SIPA1L1: variants seen among roughly 807,000 people sequenced by gnomAD.
SIPA1L1 encodes the protein signal induced proliferation associated 1 like 1, also known as signal-induced proliferation-associated 1-like protein 1.
Under a neutral mutation model 162.7 loss-of-function variants are expected in SIPA1L1, and 26 were observed. The observed-to-expected ratio is 0.16, with a 90% CI of 0.12 to 0.22. SIPA1L1 has a LOEUF of 0.22. SIPA1L1 is among the 10% of genes least tolerant of loss of function. The pLI is 1.00. For missense variants in SIPA1L1, 1,874 were observed against 2,241.0 expected (o/e 0.84, Z 3.31); for synonymous variants, 829 against 837.4 (o/e 0.99, Z 0.17).
At chr14:71,580,420 A>G (rs1467909449) in intron 4 of SIPA1L1, among the ~76,000 whole-genome samples, 2 of 152,222 alleles carry the variant, frequency 1.3e-5, no homozygotes, top group Non-Finnish European at 1.5e-5. Flanking sequence ...CTAGGTCACT[A>G]CAGTCTTGGG....
At chr14:71,478,393 C>CT (rs1401323571) in intron 2 of SIPA1L1, among the ~76,000 whole-genome samples, 2 of 151,752 alleles carry the variant, frequency 1.3e-5, no homozygotes, top group East Asian at 1.9e-4. Context: ...TACAGTTTAT[C>CT]TTTTTTTTAA....
At chr14:71,561,672 C>T (rs751475556) in intron 4 of SIPA1L1, among the ~76,000 whole-genome samples, 57 of 152,342 alleles carry the variant, frequency 3.7e-4, no homozygotes, top group African/African-American at 1.1e-3. Flanking sequence ...ACTGCAAACT[C>T]CTCCTCCTGG....
chr14:71,707,883 C>T (rs1241746287), intron 16 of SIPA1L1, among the ~76,000 whole-genome samples: 1 of 152,072 alleles, frequency 6.6e-6, no homozygotes, highest in Non-Finnish European at 1.5e-5. Flanking sequence ...CCCAACATTG[C>T]CAACATTCAT....
intron 5 of SIPA1L1, among the ~76,000 whole-genome samples, chr14:71,605,614 A>G (rs1389053217): frequency 6.6e-6 from 1 of 152,172 alleles, no homozygotes; most frequent in Non-Finnish European, 1.5e-5. Context: ...GTAGTAGTAT[A>G]GTCTCTGTAT....
At chr14:71,652,065 CA>C (rs1471566397) in intron 8 of SIPA1L1, among the ~76,000 whole-genome samples, 1 of 151,600 alleles carries the variant, frequency 6.6e-6, no homozygotes, top group Non-Finnish European at 1.5e-5. Flanking sequence ...GAGAAGGATT[CA>C]AAGAATCCTT....
intron 19 of SIPA1L1, 40 bp from the exon 20 acceptor site, chr14:71,730,015 C>A: frequency 6.3e-7 from 1 of 1,593,640 alleles, no homozygotes; most frequent in Non-Finnish European, 8.6e-7. Context: ...GGATCTGAAC[C>A]AGAAAATTGA....
In SIPA1L1 at chr14:71,588,976, G is replaced by A. The variant is rs1389851235; in HGVS notation, c.1104G>A (p.Val368=). ...CCACTGGAGCTTCCGCAGCTGCCGT[G>A]GCATCCTTGGTCTCTGGACCTCTGT... ...NTTTGASAAA[V]ASLVSGPLSH... The change falls in exon 5 of 24, where the codon GTG becomes GTA. Residue 368 remains valine (V), a synonymous_variant. Coordinates refer to ENST00000381232, the MANE Select transcript of SIPA1L1 (RefSeq NM_001386936.1). This position sits in a 1 kb window ranked among gnomAD's most constrained non-coding sequence, Gnocchi z 4.3. 2 of 1,613,966 alleles carry A rather than the reference G, an allele frequency of 1.2e-6. No individual in the cohort carries two copies. The highest frequency in any genetic ancestry group is 2.7e-5 in the African/African-American group (2 of 74,908).
intron 3 of SIPA1L1, among the ~76,000 whole-genome samples, chr14:71,523,654 A>G (rs566928367): frequency 1.4e-4 from 22 of 152,306 alleles, no homozygotes; most frequent in South Asian, 6.2e-4. Context: ...GTGTTTGTCA[A>G]ATGGTGGTTT....
intron 4 of SIPA1L1, among the ~76,000 whole-genome samples, chr14:71,568,806 C>A (rs562359407): frequency 6.6e-6 from 1 of 152,094 alleles, no homozygotes; most frequent in Non-Finnish European, 1.5e-5. Context: ...GGTCCATTTC[C>A]GTTTTGTAAA....
chr14:71,577,004 A>C (rs1392110157), intron 4 of SIPA1L1, among the ~76,000 whole-genome samples: 1 of 149,634 alleles, frequency 6.7e-6, no homozygotes, highest in African/African-American at 2.5e-5. Context: ...AATCGCTTGA[A>C]CCTGGGAGGC....
intron 2 of SIPA1L1, among the ~76,000 whole-genome samples, chr14:71,338,312 G>A (rs2035302702): frequency 6.6e-6 from 1 of 152,222 alleles, no homozygotes; most frequent in Admixed American, 6.5e-5. Context: ...AGTCCATCAA[G>A]TGGAAGGAGG....
intron 4 of SIPA1L1, 46 bp from the exon 5 acceptor site, chr14:71,587,525 T>G: frequency 2.5e-6 from 1 of 405,746 alleles, no homozygotes; most frequent in Non-Finnish European, 4.3e-6. Flanking sequence ...ATGTTTGTTT[T>G]TAGATGTATT....
chr14:71,651,716 ATAC>A (rs1375848941), intron 8 of SIPA1L1, among the ~76,000 whole-genome samples: 3 of 152,210 alleles, frequency 2.0e-5, no homozygotes, highest in African/African-American at 7.2e-5. Flanking sequence ...AAGCTCAGTG[ATAC>A]TATAAATGAA....
rs2158745 is a variant in SIPA1L1 at position 71,536,684 on chromosome 14, A to G, written c.-303+7314A>G. Reference sequence around the variant, plus strand: ...TCTTGGAAGATCTTTTGGTTATACAACAGTAGCTTGCTGGATTTCACTTCT... The same window carrying G: ...TCTTGGAAGATCTTTTGGTTATACAGCAGTAGCTTGCTGGATTTCACTTCT... On this transcript the variant is annotated intron_variant, in intron 4 of 23. Transcript: ENST00000381232. Among the ~76,000 whole-genome samples, 255 of 152,354 alleles carry G rather than the reference A, an allele frequency of 1.7e-3. 1 individual carries two copies. The highest frequency in any genetic ancestry group is 5.4e-3 in the African/African-American group (223 of 41,588).
intron 5 of SIPA1L1, among the ~76,000 whole-genome samples, chr14:71,599,458 TTC>T (rs1301599248): frequency 1.5e-5 from 2 of 129,248 alleles, no homozygotes; most frequent in Non-Finnish European, 3.4e-5. Flanking sequence ...GGCGATTTCA[TTC>T]TTTTTTTTTT....
intron 6 of SIPA1L1, among the ~76,000 whole-genome samples, chr14:71,619,502 G>A (rs2148503759): frequency 6.7e-6 from 1 of 150,320 alleles, no homozygotes; most frequent in Admixed American, 6.6e-5. Context: ...TGAAGTTTGG[G>A]CTAAAAAAAA....
At chr14:71,654,590 T>C (rs2042902188) in intron 8 of SIPA1L1, among the ~76,000 whole-genome samples, 1 of 152,194 alleles carries the variant, frequency 6.6e-6, no homozygotes, top group Non-Finnish European at 1.5e-5. Context: ...GTGTTATAAA[T>C]GCAGTTGAGG....
intron 2 of SIPA1L1, among the ~76,000 whole-genome samples, chr14:71,480,770 AAAAC>A (rs2048295921): frequency 6.6e-6 from 1 of 152,190 alleles, no homozygotes; most frequent in African/African-American, 2.4e-5. Context: ...TCCAAAACAA[AAAAC>A]AAACAAACAA....
chr14:71,704,013 A>G (rs1156904551), intron 15 of SIPA1L1, among the ~76,000 whole-genome samples: 1 of 152,200 alleles, frequency 6.6e-6, no homozygotes, highest in Non-Finnish European at 1.5e-5. Context: ...TTTTAAAATA[A>G]GATACCCCTG....
Sources: gnomAD v4.1 joint callset for allele counts (sites outside exome capture counted in the v4.1 genomes callset) on GRCh38, gnomAD v4.1.1 for gene constraint, Gnocchi (gnomAD v3.1) non-coding constraint, MANE v1.5 for transcripts, NCBI Gene and HGNC (gene_info 2026-07-23, HGNC 2026-07-21) for gene names.